The following HSPD1 variants were observed in gnomAD, a reference collection of about 807,000 sequenced individuals.
The protein encoded by HSPD1 is heat shock protein family D (Hsp60) member 1, also known as 60 kDa heat shock protein, mitochondrial.
A neutral mutation model predicts 53.0 loss-of-function variants in HSPD1; 3 were observed. The ratio of observed to expected loss-of-function variants is 0.06; its 90% CI spans 0.03 to 0.15. The LOEUF (loss-of-function observed/expected upper bound fraction) is 0.15, where lower values mean the gene tolerates loss of function less well. Among genes scored for constraint, HSPD1 ranks in the 10% least tolerant of loss-of-function variants. The pLI is 1.00. For synonymous variants in HSPD1, 200 were observed against 228.0 expected, an observed-to-expected ratio of 0.88 and a Z score of 1.10; for missense variants, 431 against 694.1, an observed-to-expected ratio of 0.62 and a Z score of 4.26.
chr2:197,487,187 A>T lies in HSPD1; in HGVS notation c.1581T>A (p.Thr527=). ...CCACACCAGCAGCATCCAATAAAGCAGTTCTCACAACCTAGAAAAAAATTT... is the reference window on the plus strand; with the variant it reads ...CCACACCAGCAGCATCCAATAAAGCTGTTCTCACAACCTAGAAAAAAATTT... The part of the protein sequence containing the change: ...GIIDPTKVVR[T]ALLDAAGVAS... Residue 527 remains threonine (T), a synonymous_variant, in exon 12 of 12, where the codon ACT becomes ACA. Coordinates refer to ENST00000388968, the MANE Select transcript of HSPD1 (RefSeq NM_002156.5). The T allele has an allele frequency of 6.2e-7, 1 of 1,613,402 alleles. No homozygotes were observed. The highest frequency in any genetic ancestry group is 8.5e-7 in the Non-Finnish European group (1 of 1,179,344).
chr2:197,498,921 G>T, intron 1 of HSPD1, 71 bp from the exon 2 acceptor site: 1 of 1,346,082 alleles, frequency 7.4e-7, no homozygotes, highest in Non-Finnish European at 1.1e-6. Context: ...ATGCCCACCT[G>T]TGCAACAGAG....
chr2:197,494,794 T>A, intron 4 of HSPD1, 42 bp from the exon 5 acceptor site: 1 of 1,305,332 alleles, frequency 7.7e-7, no homozygotes, highest in Non-Finnish European at 1.1e-6. Flanking sequence ...AAGGTAAGCC[T>A]AGTGTCCTCA....
Position 197,494,220 on chromosome 2 carries a change from T to C in HSPD1, c.637A>G (p.Ile213Val), listed in dbSNP as rs981753682. The C allele has an allele frequency of 5.1e-6, 8 of 1,562,280 alleles. No individual in the cohort carries two copies. The highest frequency in any genetic ancestry group is 5.3e-6 in the Non-Finnish European group (6 of 1,133,496). ...DGKTLNDELE[I>V]IEGMKFDRGY... ...CGATCAAACTTCATGCCTTCAATAA[T>C]TTCTAATTCATCATTCAGTGTTTTT... Residue 213 changes from isoleucine to valine, a missense_variant, in exon 6 of 12, where the codon ATT (isoleucine) becomes GTT (valine). This residue lies in a region of HSPD1 where 386 missense variants were observed against 657.6 expected (regional missense o/e 0.59). Transcript: ENST00000388968.
rs2086126966 is a variant in HSPD1, at chr2:197,494,065, C to T, written c.700+92G>A. Reference sequence around the variant, plus strand: ...TGCAGTGAGCAACGCGCCACCACATCATGCCACTGCACTCCAGCCGGGGCA... The same window carrying T: ...TGCAGTGAGCAACGCGCCACCACATTATGCCACTGCACTCCAGCCGGGGCA... On this transcript the variant is annotated intron_variant, in intron 6 of 11. Coordinates refer to ENST00000388968, the MANE Select transcript of HSPD1 (RefSeq NM_002156.5). 11 of 700,548 alleles carry T rather than the reference C, an allele frequency of 1.6e-5. No individual in the cohort carries two copies. In the Admixed American group the frequency reaches 2.3e-4, roughly 15 times the overall value. The allele number at this position is 700,548 out of a possible 1,614,324, so 43.4% of individuals were successfully genotyped here. A position where few individuals can be genotyped will look rare whatever the true frequency, so the allele number is the denominator to read the frequency against.
At chr2:197,490,799 A>G (rs910310226) in intron 7 of HSPD1, among the ~76,000 whole-genome samples, 2 of 152,360 alleles carry the variant, frequency 1.3e-5, no homozygotes, top group African/African-American at 2.4e-5. Flanking sequence ...GTAGAAAAAC[A>G]GTAATTACTA....
At chr2:197,499,504 C>A (rs2086212400) in intron 1 of HSPD1, 1 of 153,802 alleles carries the variant, frequency 6.5e-6, no homozygotes, top group African/African-American at 2.4e-5. Flanking sequence ...GTCGGCCAGG[C>A]GCAGGTTGCA....
chr2:197,489,259 G>GT lies in HSPD1; in HGVS notation c.970-13dup, dbSNP rs2086062178. On this transcript the variant is annotated splice_polypyrimidine_tract_variant and intron_variant, in intron 8 of 11. Transcript: ENST00000388968. ...TCTTCTCCAAACACCTACAAAAAGA[G>GT]TTAAACGTAAACCTGTTGTAGGTTA... The GT allele has an allele frequency of 2.5e-6, 4 of 1,614,002 alleles. No individual in the cohort carries two copies. Among genetic ancestry groups the GT allele is most frequent in the Non-Finnish European group, 2.5e-6 (3 of 1,179,884 alleles).
At position 197,487,914 on chromosome 2, in the gene HSPD1, C is replaced by T. The variant is rs1473220795; in HGVS notation, c.1513G>A (p.Ala505Thr). 6.2e-7 allele frequency: 1 copy of T among 1,613,808 alleles called. No homozygotes were observed. The change falls in exon 11 of 12, where the codon GCT becomes ACT. Residue 505 changes from alanine to threonine, a missense_variant. This residue lies in a region of HSPD1 where 386 missense variants were observed against 657.6 expected (regional missense o/e 0.59). Coordinates refer to ENST00000388968, the MANE Select transcript of HSPD1 (RefSeq NM_002156.5). ...ATATTCACAAAATCTCCAGCCATAG[C>T]ATCATAACCAACTTCTGAGGAACTT... ...MQSSSEVGYD[A>T]MAGDFVNMVE...
At chr2:197,488,239 A>G in intron 10 of HSPD1, 78 bp downstream of exon 10, 1 of 1,285,504 alleles carries the variant, frequency 7.8e-7, no homozygotes, top group Non-Finnish European at 1.1e-6. Context: ...GTGCTATTCC[A>G]TTTAGGGGAC....
At position 197,487,210 on chromosome 2, in the gene HSPD1, T is replaced by C. The variant is rs375736101; in HGVS notation, c.1570-12A>G. ...GCAGTTCTCACAACCTAGAAAAAAA[T>C]TTAATTAATTAGTTTTCCCTTAGTA... On this transcript the variant is annotated splice_polypyrimidine_tract_variant and intron_variant, in intron 11 of 11. Coordinates refer to ENST00000388968, the MANE Select transcript of HSPD1 (RefSeq NM_002156.5). The C allele has an allele frequency of 5.0e-6, 8 of 1,611,714 alleles. No individual in the cohort carries two copies. In the African/African-American group the frequency reaches 9.4e-5, roughly 19 times the overall value.
chr2:197,488,080 A>T lies in HSPD1; in HGVS notation c.1391-44T>A, dbSNP rs763413885. The T allele has an allele frequency of 3.8e-6, 5 of 1,317,558 alleles. No individual in the cohort carries two copies. The Admixed American group carries it at 7.8e-5, about 21-fold the overall frequency. 81.6% of individuals were successfully genotyped at this position (1,317,558 alleles called of 1,614,324 possible). The stretch of plus-strand genomic sequence containing the variant: ...AAAATTTTAATACTTTCATTTGTAA[A>T]TATTGTAACACATTTATAAGTTGTG... On this transcript the variant is annotated intron_variant, in intron 10 of 11. Transcript: ENST00000388968.
Position 197,493,423 on chromosome 2 carries a change from A to G in HSPD1, c.770T>C (p.Ile257Thr). The change falls in exon 7 of 12, where the codon ATT (isoleucine) becomes ACT (threonine). Residue 257 changes from isoleucine (I) to threonine (T), a missense_variant. By Grantham distance (89) the Ile-to-Thr change is moderately conservative (BLOSUM62 -1). This residue lies in a region of HSPD1 where 386 missense variants were observed against 657.6 expected (regional missense o/e 0.59). Transcript: ENST00000388968. ...SEKKISSIQS[I>T]VPALEIANAH... ...ATTGGCAATTTCAAGAGCAGGTACA[A>G]TGGACTGGATACTAGAAATTTTCTT... 3 of 1,613,072 alleles carry G rather than the reference A, an allele frequency of 1.9e-6. No homozygotes were observed. The highest frequency in any genetic ancestry group is 2.5e-6 in the Non-Finnish European group (3 of 1,179,006).
At chr2:197,498,618 T>C (rs1352216164) in intron 2 of HSPD1, 57 bp downstream of exon 2, 2 of 1,456,310 alleles carry the variant, frequency 1.4e-6, no homozygotes, top group African/African-American at 2.8e-5. Flanking sequence ...TGCGACTATT[T>C]GTGAGTAAAA....
intron 2 of HSPD1, 25 bp downstream of exon 2, chr2:197,498,650 T>A: frequency 6.3e-7 from 1 of 1,598,732 alleles, no homozygotes; most frequent in South Asian, 1.1e-5. Flanking sequence ...ATACCGTAAT[T>A]ACAATAAAAT....
intron 3 of HSPD1, 115 bp downstream of exon 3, chr2:197,497,025 G>A (rs540611406): frequency 2.0e-4 from 216 of 1,057,490 alleles, no homozygotes; most frequent in Non-Finnish European, 6.1e-5. Context: ...AGGCCAAGAG[G>A]AGGAATGAGA....
chr2:197,494,434 T>C, intron 5 of HSPD1, 184 bp from the exon 6 acceptor site: 1 of 632,604 alleles, frequency 1.6e-6, no homozygotes, highest in East Asian at 2.7e-5. Flanking sequence ...AATAATCATT[T>C]AAGTTAGGAT....
At chr2:197,494,503 A>G (rs1215360210) in intron 5 of HSPD1, 154 bp downstream of exon 5, 5 of 653,560 alleles carry the variant, frequency 7.7e-6, no homozygotes, top group East Asian at 5.4e-5. Context: ...ACTTTATTCT[A>G]TACATGTGCT....
At chr2:197,489,319 C>T (rs1291453143) in intron 8 of HSPD1, 72 bp from the exon 9 acceptor site, 13 of 1,428,118 alleles carry the variant, frequency 9.1e-6, no homozygotes, top group African/African-American at 1.4e-5. Flanking sequence ...TATTAATACA[C>T]CATGCAAGAG....
chr2:197,490,118 T>TTC, intron 8 of HSPD1, 79 bp downstream of exon 8: 1 of 1,032,664 alleles, frequency 9.7e-7, no homozygotes, highest in Non-Finnish European at 1.5e-6. Flanking sequence ...TAGTATCTAA[T>TTC]TGTGAAATGT....
Sources: gnomAD v4.1 joint callset for allele counts (sites outside exome capture counted in the v4.1 genomes callset) on GRCh38, gnomAD v4.1.1 for gene constraint, gnomAD v4.1.1 regional missense constraint, MANE v1.5 for transcripts, NCBI Gene and HGNC (gene_info 2026-07-23, HGNC 2026-07-21) for gene names.